GNAI1: variants seen among roughly 807,000 people sequenced by gnomAD.
GNAI1 encodes guanine nucleotide-binding protein G(i) subunit alpha-1.
Under a neutral mutation model 38.9 loss-of-function variants are expected in GNAI1, and 11 were observed. That is an observed-to-expected ratio of 0.28 (90% CI 0.18 to 0.47). The LOEUF (loss-of-function observed/expected upper bound fraction) is 0.47, where lower values mean the gene tolerates loss of function less well. Ranked by LOEUF, GNAI1 falls within the 20% of genes least tolerant of loss-of-function variation. The pLI is 0.99. For missense variants in GNAI1, 317 were observed against 436.9 expected, an observed-to-expected ratio of 0.73 and a Z score of 2.45; for synonymous variants, 166 against 145.1, an observed-to-expected ratio of 1.14 and a Z score of -1.04.
At position 80,220,039 on chromosome 7, in the gene GNAI1, G is replaced by A. The variant is rs1789044035; in HGVS notation, c.*2546G>A. Among the ~76,000 whole-genome samples the A allele has an allele frequency of 6.6e-6, 1 of 152,104 alleles. No homozygotes were observed. The highest frequency in any genetic ancestry group is 1.5e-5 in the Non-Finnish European group (1 of 68,018). ...CATTTCTCTCTTCTCGAAAAACCCA[G>A]GTTAGTTATCCTAATGTAGAACTGT... On this transcript the variant is annotated 3_prime_UTR_variant, in exon 8 of 8. Transcript: ENST00000649796.
intron 4 of GNAI1, among the ~76,000 whole-genome samples, chr7:80,202,214 CCAATAGCTGGGATTACAGG>C (rs1788699689): frequency 6.6e-6 from 1 of 151,984 alleles, no homozygotes; most frequent in Non-Finnish European, 1.5e-5. Flanking sequence ...CTCAGCCTCC[CCAATAGCTGGGATTACAGG>C]CACGCCTCAC....
At chr7:80,190,461 A>G (rs1452467817) in intron 3 of GNAI1, among the ~76,000 whole-genome samples, 1 of 152,120 alleles carries the variant, frequency 6.6e-6, no homozygotes, top group Non-Finnish European at 1.5e-5. Context: ...ATAAATGCAT[A>G]AATTAGAGTG....
intron 7 of GNAI1, 61 bp from the exon 8 acceptor site, chr7:80,217,242 A>AGTTTCATAT: frequency 1.3e-5 from 14 of 1,077,296 alleles, no homozygotes; most frequent in Non-Finnish European, 1.6e-5. Context: ...AACTGAATTC[A>AGTTTCATAT]GTATTTTAAG....
chr7:80,135,114 GCACT>G lies in GNAI1; in HGVS notation c.-45_-42del. 7.6e-7 allele frequency: 1 copy of G among 1,308,366 alleles called. No homozygotes were observed. 81.0% of individuals were successfully genotyped at this position (1,308,366 alleles called of 1,614,324 possible). A position where few individuals can be genotyped will look rare whatever the true frequency, so the allele number is the denominator to read the frequency against. On this transcript the variant is annotated 5_prime_UTR_variant, in exon 1 of 8. Coordinates refer to ENST00000649796, the MANE Select transcript of GNAI1 (RefSeq NM_002069.6). ...AAGGATTCCCCTGTGCTTGGAGCCC[GCACT>G]CGGGCGCGGAGGGAGCGGCGGCAGG...
chr7:80,178,084 T>C (rs1788222135), intron 1 of GNAI1, among the ~76,000 whole-genome samples: 1 of 152,180 alleles, frequency 6.6e-6, no homozygotes, highest in Non-Finnish European at 1.5e-5. Flanking sequence ...GGTTTGGGAC[T>C]TCAGTAGAGG....
intron 7 of GNAI1, 143 bp downstream of exon 7, chr7:80,213,012 G>T (rs1483973093): frequency 1.9e-6 from 1 of 536,986 alleles, no homozygotes; most frequent in African/African-American, 2.0e-5. Flanking sequence ...TCAAACTGCA[G>T]TTGAGCATAA....
chr7:80,197,528 G>A (rs1384121702), intron 3 of GNAI1, among the ~76,000 whole-genome samples: 1 of 151,950 alleles, frequency 6.6e-6, no homozygotes, highest in African/African-American at 2.4e-5. Flanking sequence ...AAATAGAAAG[G>A]TTATATTTGA....
At chr7:80,147,602 CAGT>C (rs1363851460) in intron 1 of GNAI1, among the ~76,000 whole-genome samples, 1 of 152,174 alleles carries the variant, frequency 6.6e-6, no homozygotes, top group African/African-American at 2.4e-5. Flanking sequence ...ATTAAGTTTA[CAGT>C]CATTGGACTT....
chr7:80,143,034 C>G (rs775693305), intron 1 of GNAI1, among the ~76,000 whole-genome samples: 8 of 152,208 alleles, frequency 5.3e-5, no homozygotes, highest in Non-Finnish European at 1.2e-4. Flanking sequence ...TGATGTGACT[C>G]TGGTAAACCT....
chr7:80,200,735 T>A (rs1433458076), intron 4 of GNAI1, among the ~76,000 whole-genome samples: 1 of 152,126 alleles, frequency 6.6e-6, no homozygotes, highest in East Asian at 1.9e-4. Flanking sequence ...TTTATAACCC[T>A]GTATTTCATA....
intron 1 of GNAI1, among the ~76,000 whole-genome samples, chr7:80,142,014 A>G (rs1220159239): frequency 3.3e-5 from 5 of 152,124 alleles, no homozygotes; most frequent in Non-Finnish European, 4.4e-5. Flanking sequence ...GATAATTCAC[A>G]TATTTTCTAA....
intron 1 of GNAI1, chr7:80,135,785 A>C (rs1174490299): frequency 1.0e-6 from 1 of 985,508 alleles, no homozygotes; most frequent in African/African-American, 1.8e-5. Flanking sequence ...GGGGCCTCTG[A>C]GATGGGGCTG....
At chr7:80,141,472 A>G (rs1446702651) in intron 1 of GNAI1, among the ~76,000 whole-genome samples, 2 of 152,108 alleles carry the variant, frequency 1.3e-5, no homozygotes, top group Non-Finnish European at 2.9e-5. Flanking sequence ...TGGAAAGAAA[A>G]AAGGAGTCTC....
chr7:80,155,327 T>G (rs1021970960), intron 1 of GNAI1, among the ~76,000 whole-genome samples: 8 of 152,224 alleles, frequency 5.3e-5, no homozygotes, highest in African/African-American at 1.9e-4. Flanking sequence ...AAAGTAAACA[T>G]TCATTGATAC....
At position 80,224,088 on chromosome 7, in the gene GNAI1, A is replaced by G. The variant is rs974747037; in HGVS notation, c.*6595A>G. Among the ~76,000 whole-genome samples, 2 of 152,188 alleles carry G rather than the reference A, an allele frequency of 1.3e-5. No individual in the cohort carries two copies. The highest frequency in any genetic ancestry group is 2.9e-5 in the Non-Finnish European group (2 of 68,030). The stretch of plus-strand genomic sequence containing the variant: ...ATAGTGCTAAATCAAGACCTTGAAA[A>G]ATGTACTCATATAGTAAGATTTACT... On this transcript the variant is annotated 3_prime_UTR_variant, in exon 8 of 8. Coordinates refer to ENST00000649796, the MANE Select transcript of GNAI1 (RefSeq NM_002069.6).
At chr7:80,215,160 A>G (rs1788938996) in intron 7 of GNAI1, among the ~76,000 whole-genome samples, 1 of 152,150 alleles carries the variant, frequency 6.6e-6, no homozygotes, top group African/African-American at 2.4e-5. Flanking sequence ...ACATTAAAAA[A>G]CAATCTATCA....
At chr7:80,172,485 T>C (rs2115568212) in intron 1 of GNAI1, among the ~76,000 whole-genome samples, 1 of 152,260 alleles carries the variant, frequency 6.6e-6, no homozygotes, top group East Asian at 1.9e-4. Context: ...ATACCTTGAG[T>C]ATTTATTTTA....
At chr7:80,181,359 A>T (rs1788290295) in intron 1 of GNAI1, among the ~76,000 whole-genome samples, 2 of 152,226 alleles carry the variant, frequency 1.3e-5, no homozygotes, top group South Asian at 4.1e-4. Flanking sequence ...ACTCAAATAT[A>T]GACCTTGAAA....
At chr7:80,214,256 C>T (rs1194486909) in intron 7 of GNAI1, among the ~76,000 whole-genome samples, 1 of 152,092 alleles carries the variant, frequency 6.6e-6, no homozygotes, top group Non-Finnish European at 1.5e-5. Context: ...AGTCAAAGTC[C>T]TAAATCACTG....
Sources: gnomAD v4.1 joint callset for allele counts (sites outside exome capture counted in the v4.1 genomes callset) on GRCh38, gnomAD v4.1.1 for gene constraint, MANE v1.5 for transcripts, NCBI Gene and HGNC (gene_info 2026-07-23, HGNC 2026-07-21) for gene names.